The following USP34 variants were observed in gnomAD, a reference collection of about 807,000 sequenced individuals.
The protein encoded by USP34 is ubiquitin specific peptidase 34, also known as ubiquitin carboxyl-terminal hydrolase 34.
Under a neutral mutation model 460.3 loss-of-function variants are expected in USP34, and 70 were observed. The observed-to-expected ratio is 0.15, with a 90% CI of 0.13 to 0.19. The LOEUF (loss-of-function observed/expected upper bound fraction) is 0.19. Among genes scored for constraint, USP34 ranks in the 10% least tolerant of loss-of-function variants. USP34 has a pLI of 1.00. For missense variants in USP34, 3,985 were observed against 4,236.2 expected (o/e 0.94, Z 1.65); for synonymous variants, 1,647 against 1,405.3 (o/e 1.17, Z -3.85).
At chr2:61,299,648 C>A (rs991958828) in intron 29 of USP34, among the ~76,000 whole-genome samples, 1 of 151,152 alleles carries the variant, frequency 6.6e-6, no homozygotes, top group African/African-American at 2.4e-5. Flanking sequence ...CTATTCAGGA[C>A]GCTGAGGCAG....
intron 29 of USP34, among the ~76,000 whole-genome samples, chr2:61,300,526 G>C (rs1007084740): frequency 1.3e-5 from 2 of 149,772 alleles, no homozygotes; most frequent in African/African-American, 2.4e-5. Context: ...GGCCAGGCAC[G>C]GTGGCTCATG....
chr2:61,188,700 C>T lies in USP34; in HGVS notation c.10043G>A (p.Gly3348Glu), dbSNP rs1417353589. The stretch of plus-strand genomic sequence containing the variant: ...ACGCCGCCTTTTAATGGGAGTTGCT[C>T]CTTCATCATCTGTGAAAACACATGC... Reference protein sequence around the residue: ...AKERKTKDDEGATPIKRRRVS... With the variant: ...AKERKTKDDEEATPIKRRRVS... Residue 3348 changes from glycine to glutamate, a missense_variant, in exon 80 of 80, where the codon GGA becomes GAA. Physicochemically the swap from Gly to Glu is moderately conservative, Grantham distance 98. Coordinates refer to ENST00000398571, the MANE Select transcript of USP34 (RefSeq NM_014709.4). The T allele has an allele frequency of 3.7e-6, 6 of 1,612,458 alleles. No individual in the cohort carries two copies. The Admixed American group carries it at 8.4e-5, about 22-fold the overall frequency.
rs752739080 is a variant in USP34 at position 61,370,539 on chromosome 2, T to C, written c.1117A>G (p.Asn373Asp). 2.5e-6 allele frequency: 4 copies of C among 1,613,966 alleles called. No individual in the cohort carries two copies. Among genetic ancestry groups the C allele is most frequent in the Admixed American group, 3.3e-5 (2 of 60,018 alleles). ...KELADWLISN[N>D]VVEHIFGPNL... ...GGTCCAAATATATGCTCCACCACAT[T>C]GTTGCTAATAAGCCAGTCTGCAAGT... Residue 373 changes from asparagine (N) to aspartate (D), a missense_variant, in exon 9 of 80, where the codon AAT (asparagine) becomes GAT (aspartate). This residue lies in a region of USP34 where 716 missense variants were observed against 626.2 expected (regional missense o/e 1.14). Transcript: ENST00000398571.
intron 15 of USP34, among the ~76,000 whole-genome samples, chr2:61,347,601 T>G (rs986693704): frequency 6.6e-6 from 1 of 152,228 alleles, no homozygotes; most frequent in Non-Finnish European, 1.5e-5. Flanking sequence ...CTCAAACTCC[T>G]GACCTCAAGT....
chr2:61,370,624 C>T (rs1317146226), intron 8 of USP34, 45 bp from the exon 9 acceptor site: 2 of 1,566,950 alleles, frequency 1.3e-6, no homozygotes, highest in Non-Finnish European at 1.7e-6. Flanking sequence ...AAATTGTCAT[C>T]TTTTCTCATG....
chr2:61,220,584 T>C (rs559038794), intron 66 of USP34, 127 bp from the exon 67 acceptor site: 2 of 899,802 alleles, frequency 2.2e-6, no homozygotes, highest in East Asian at 2.9e-5. Context: ...ATTAAAAAGG[T>C]TTCACCCTAT....
chr2:61,420,193 T>C (rs995264865), intron 2 of USP34, among the ~76,000 whole-genome samples: 1 of 152,178 alleles, frequency 6.6e-6, no homozygotes, highest in Non-Finnish European at 1.5e-5. Context: ...TTTATTTTCA[T>C]TGGTTTATTC....
At chr2:61,411,394 A>G (rs1413365917) in intron 2 of USP34, among the ~76,000 whole-genome samples, 24 of 149,090 alleles carry the variant, frequency 1.6e-4, no homozygotes, top group Admixed American at 3.4e-4. Context: ...AAAAAAAAAA[A>G]GAAAAAAAAA....
intron 10 of USP34, among the ~76,000 whole-genome samples, chr2:61,359,856 C>G (rs1453264889): frequency 1.4e-5 from 2 of 142,504 alleles, no homozygotes; most frequent in Non-Finnish European, 3.0e-5. Flanking sequence ...GTGATCTCGG[C>G]TCACTGCAAC....
chr2:61,295,422 A>C (rs1156862700), intron 30 of USP34, 132 bp from the exon 31 acceptor site: 3 of 983,966 alleles, frequency 3.0e-6, no homozygotes, highest in Admixed American at 7.3e-5. Flanking sequence ...AAACATATGA[A>C]GACTAGGTAT....
chr2:61,463,415 C>A (rs778928020), intron 1 of USP34, among the ~76,000 whole-genome samples: 11 of 152,284 alleles, frequency 7.2e-5, no homozygotes, highest in Non-Finnish European at 1.5e-4. Context: ...ATTCCTACTA[C>A]AATTATCACA....
intron 20 of USP34, among the ~76,000 whole-genome samples, 199 bp downstream of exon 20, chr2:61,331,077 A>G (rs1324787375): frequency 3.9e-5 from 6 of 152,166 alleles, no homozygotes; most frequent in African/African-American, 1.4e-4. Flanking sequence ...AGCCAGCTAC[A>G]TTTACCTAAG....
In USP34 at chr2:61,188,092, A is replaced by C. The variant is rs1170984009; in HGVS notation, c.*10T>G. 1 of 1,607,202 alleles carries C rather than the reference A, an allele frequency of 6.2e-7. No individual in the cohort carries two copies. The highest frequency in any genetic ancestry group is 8.5e-7 in the Non-Finnish European group (1 of 1,176,464). ...TGAGGGACTTAAAAGTAGACATGCT[A>C]CACCTAATGTCAAGAAGCAGCTTGG... On this transcript the variant is annotated 3_prime_UTR_variant, in exon 80 of 80. Coordinates refer to ENST00000398571, the MANE Select transcript of USP34 (RefSeq NM_014709.4).
chr2:61,310,682 C>CATAT (rs900252049), intron 27 of USP34, among the ~76,000 whole-genome samples: 1 of 149,310 alleles, frequency 6.7e-6, no homozygotes. Flanking sequence ...TATACATATA[C>CATAT]ATATATATAT....
intron 49 of USP34, among the ~76,000 whole-genome samples, chr2:61,247,752 C>T (rs749065846): frequency 1.3e-5 from 2 of 152,160 alleles, no homozygotes; most frequent in Non-Finnish European, 2.9e-5. Context: ...ACAATGCCCA[C>T]TTCTTAACTT....
In USP34 at chr2:61,244,022, G is replaced by A. The variant is rs77318034; in HGVS notation, c.6627+1188C>T. Among the ~76,000 whole-genome samples, 714 of 151,874 alleles carry A rather than the reference G, an allele frequency of 4.7e-3. 5 individuals are homozygous for A. Among genetic ancestry groups the A allele is most frequent in the African/African-American group, 0.015 (623 of 41,398 alleles). On this transcript the variant is annotated intron_variant, in intron 51 of 79. Coordinates refer to ENST00000398571, the MANE Select transcript of USP34 (RefSeq NM_014709.4). Reference sequence around the variant, plus strand: ...TTTTCTTTTTCCATTCAGCAGAGTAGACAAGAACACCGAGAAGCAATAAGG... The same window carrying A: ...TTTTCTTTTTCCATTCAGCAGAGTAAACAAGAACACCGAGAAGCAATAAGG...
intron 1 of USP34, among the ~76,000 whole-genome samples, chr2:61,455,137 C>T (rs549525754): frequency 6.6e-6 from 1 of 152,180 alleles, no homozygotes; most frequent in South Asian, 2.1e-4. Flanking sequence ...CTACCTTGGC[C>T]TCCCAAAATG....
At chr2:61,211,119 C>T (rs879790871) in intron 69 of USP34, among the ~76,000 whole-genome samples, 13 of 152,210 alleles carry the variant, frequency 8.5e-5, no homozygotes, top group Admixed American at 8.5e-4. Flanking sequence ...GAAATAACCT[C>T]ATCTTAGATT....
intron 1 of USP34, among the ~76,000 whole-genome samples, chr2:61,432,576 C>G (rs911659724): frequency 6.0e-5 from 9 of 150,756 alleles, no homozygotes; most frequent in African/African-American, 2.0e-4. Flanking sequence ...CTCAAGAGTT[C>G]TAGGCCAGCC....
Sources: gnomAD v4.1 joint callset for allele counts (sites outside exome capture counted in the v4.1 genomes callset) on GRCh38, gnomAD v4.1.1 for gene constraint, gnomAD v4.1.1 regional missense constraint, MANE v1.5 for transcripts, NCBI Gene and HGNC (gene_info 2026-07-23, HGNC 2026-07-21) for gene names.